Variants in SPTBN1 observed in about 807,000 individuals in gnomAD.
SPTBN1 encodes spectrin beta chain, non-erythrocytic 1.
SPTBN1 carries 32 observed loss-of-function variants against 266.4 expected under a neutral mutation model. That is an observed-to-expected ratio of 0.12 (90% CI 0.09 to 0.16). SPTBN1 has a LOEUF of 0.16. Among genes scored for constraint, SPTBN1 ranks in the 10% least tolerant of loss-of-function variants. The probability of loss-of-function intolerance (pLI) is 1.00; values close to 1 mark genes in which losing one functional copy is unlikely to be tolerated. For synonymous variants in SPTBN1, 1,336 were observed against 1,162.2 expected, an observed-to-expected ratio of 1.15 and a Z score of -3.04; for missense variants, 2,296 against 3,067.1, an observed-to-expected ratio of 0.75 and a Z score of 5.94.
rs903667805 is a variant in SPTBN1 at position 54,597,572 on chromosome 2, G to C, written c.149-1520G>C. The stretch of plus-strand genomic sequence containing the variant: ...AAGGAGCCGCTGACTGTAGCAGGTG[G>C]CCGGGGATCTTGGCAGGTGCCCCAG... On this transcript the variant is annotated intron_variant, in intron 2 of 35. Transcript: ENST00000356805. Among the ~76,000 whole-genome samples the C allele has an allele frequency of 2.6e-5, 4 of 152,236 alleles. No individual in the cohort carries two copies. In the South Asian group the frequency reaches 8.3e-4, roughly 31 times the overall value.
At chr2:54,543,203 C>T (rs193267381) in intron 2 of SPTBN1, among the ~76,000 whole-genome samples, 21 of 152,240 alleles carry the variant, frequency 1.4e-4, no homozygotes, top group Non-Finnish European at 2.5e-4. Context: ...CGATGGTGGG[C>T]AAGTGACTCC....
Position 54,554,332 on chromosome 2 carries a change from T to C in SPTBN1, c.148+27766T>C, listed in dbSNP as rs1672741482. 6.6e-6 allele frequency among the ~76,000 whole-genome samples: 1 copy of C among 152,146 alleles called. No homozygotes were observed. The highest frequency in any genetic ancestry group is 1.5e-5 in the Non-Finnish European group (1 of 68,012). ...CTGGGGCCCTGGGCAAGGCACTGTA[T>C]TTCTGTGAACCTCAGCTACCTTGGT... On this transcript the variant is annotated intron_variant, in intron 2 of 35. Transcript: ENST00000356805. This position sits in a 1 kb window ranked among gnomAD's most constrained non-coding sequence, Gnocchi z 4.5.
rs1345551079 is a variant in SPTBN1 at position 54,461,963 on chromosome 2, C to T, written c.-48+5445C>T. Among the ~76,000 whole-genome samples the T allele has an allele frequency of 2.0e-5, 3 of 152,088 alleles. No homozygotes were observed. In the East Asian group the frequency reaches 5.8e-4, roughly 29 times the overall value. On this transcript the variant is annotated intron_variant, in intron 1 of 35. Transcript: ENST00000356805. ...GTTTGTGAGGGTAATTTTCTTATTTCAGAAAAGTTTTTCTTTGTTTGGAAA... is the reference window on the plus strand; with the variant it reads ...GTTTGTGAGGGTAATTTTCTTATTTTAGAAAAGTTTTTCTTTGTTTGGAAA...
At chr2:54,488,526 AGGT>A (rs1350582043) in intron 1 of SPTBN1, among the ~76,000 whole-genome samples, 3 of 152,184 alleles carry the variant, frequency 2.0e-5, no homozygotes, top group African/African-American at 4.8e-5. Flanking sequence ...TCATTATAAA[AGGT>A]GGTGTGTCAC....
intron 1 of SPTBN1, among the ~76,000 whole-genome samples, chr2:54,511,303 A>G (rs1669846544): frequency 6.6e-6 from 1 of 152,208 alleles, no homozygotes; most frequent in Non-Finnish European, 1.5e-5. Context: ...TAAGCTTTTA[A>G]GCAGTCATGT....
At chr2:54,567,419 AACCCTCT>A (rs1673738606) in intron 2 of SPTBN1, among the ~76,000 whole-genome samples, 1 of 152,094 alleles carries the variant, frequency 6.6e-6, no homozygotes, top group African/African-American at 2.4e-5. Flanking sequence ...GGCTCACTGC[AACCCTCT>A]ACCTCTTGGG....
At chr2:54,564,503 C>T (rs767816762) in intron 2 of SPTBN1, among the ~76,000 whole-genome samples, 1 of 152,168 alleles carries the variant, frequency 6.6e-6, no homozygotes, top group African/African-American at 2.4e-5. Flanking sequence ...AAGAGTGCTC[C>T]GTGCAAACAT....
chr2:54,456,638 C>A (rs889613146), intron 1 of SPTBN1, 120 bp downstream of exon 1: 2 of 151,226 alleles, frequency 1.3e-5, no homozygotes, highest in Non-Finnish European at 3.0e-5. Flanking sequence ...GACGCCGCTG[C>A]CCGCCTGCCC....
intron 3 of SPTBN1, among the ~76,000 whole-genome samples, chr2:54,609,589 T>C (rs1677079316): frequency 6.6e-6 from 1 of 152,168 alleles, no homozygotes; most frequent in Admixed American, 6.5e-5. Context: ...TTTTGTGTAG[T>C]AATGAGCGTT....
At chr2:54,586,835 C>T (rs1675329833) in intron 2 of SPTBN1, among the ~76,000 whole-genome samples, 2 of 152,090 alleles carry the variant, frequency 1.3e-5, no homozygotes, top group South Asian at 4.2e-4. Context: ...ATCTTGTTGG[C>T]GACGTCAGCT....
rs753174302 is a variant in SPTBN1 at position 54,659,197 on chromosome 2, G to A, written c.6287G>A (p.Arg2096Lys). Residue 2096 changes from arginine to lysine, a missense_variant, in exon 31 of 36, where the codon AGG becomes AAG. This residue lies in a region of SPTBN1 where 347 missense variants were observed against 368.5 expected (regional missense o/e 0.94). Coordinates refer to ENST00000356805, the MANE Select transcript of SPTBN1 (RefSeq NM_003128.3). ...CGCAGACAGCAAGAGGAAGAGGAGA[G>A]GAAGAGGCGGCCGCCTTCTCCCGAG... is the stretch of plus-strand genomic sequence containing the variant. The part of the protein sequence containing the change: ...EVRRQQEEEE[R>K]KRRPPSPEPS... 2 of 1,613,996 alleles carry A rather than the reference G, an allele frequency of 1.2e-6. No individual in the cohort carries two copies. The highest frequency in any genetic ancestry group is 1.3e-5 in the African/African-American group (1 of 74,924).
At chr2:54,583,935 A>G (rs955933069) in intron 2 of SPTBN1, among the ~76,000 whole-genome samples, 6 of 152,346 alleles carry the variant, frequency 3.9e-5, no homozygotes, top group African/African-American at 1.4e-4. Flanking sequence ...AAATTTTTCA[A>G]AATTAATATG....
At chr2:54,479,855 A>T (rs992298666) in intron 1 of SPTBN1, among the ~76,000 whole-genome samples, 1 of 141,994 alleles carries the variant, frequency 7.0e-6, no homozygotes, top group African/African-American at 2.5e-5. Context: ...TCTCCCAAGC[A>T]AATTTTGCTT....
chr2:54,514,181 T>G (rs930732151), intron 1 of SPTBN1, among the ~76,000 whole-genome samples: 1 of 152,236 alleles, frequency 6.6e-6, no homozygotes, highest in South Asian at 2.1e-4. Context: ...GCCATGTTTC[T>G]GTCTCATACC....
At chr2:54,609,743 C>T (rs1239867803) in intron 3 of SPTBN1, among the ~76,000 whole-genome samples, 1 of 152,120 alleles carries the variant, frequency 6.6e-6, no homozygotes, top group African/African-American at 2.4e-5. Context: ...CTTTAAAACG[C>T]AGCCTCTTAC....
intron 2 of SPTBN1, among the ~76,000 whole-genome samples, chr2:54,581,244 G>C (rs1674876997): frequency 1.3e-5 from 2 of 152,286 alleles, no homozygotes; most frequent in East Asian, 3.9e-4. Flanking sequence ...GATAATACAA[G>C]TGTAGAATGG....
rs982521315 is a variant in SPTBN1, at chr2:54,669,023, A to G, written c.*454A>G. 3.1e-5 allele frequency: 6 copies of G among 194,032 alleles called. No homozygotes were observed. The Admixed American group carries it at 3.2e-4, about 10-fold the overall frequency. 12.0% of individuals were successfully genotyped at this position (194,032 alleles called of 1,614,324 possible). ...CTCTTGACTCTTAGAAGTGCCCGAGATGGGGCTAACCTTTATTAAACAGAT... is the reference window on the plus strand; with the variant it reads ...CTCTTGACTCTTAGAAGTGCCCGAGGTGGGGCTAACCTTTATTAAACAGAT... On this transcript the variant is annotated 3_prime_UTR_variant, in exon 36 of 36. Transcript: ENST00000356805.
intron 1 of SPTBN1, 139 bp from the exon 2 acceptor site, chr2:54,526,233 A>T (rs1474313627): frequency 3.1e-6 from 2 of 637,718 alleles, no homozygotes; most frequent in Non-Finnish European, 5.1e-6. Flanking sequence ...CAGTGCTAAA[A>T]CCTAAAACCA....
At position 54,630,015 on chromosome 2, in the gene SPTBN1, C is replaced by T. The variant is rs1368365314; in HGVS notation, c.2793C>T (p.Asp931=). 2.5e-6 allele frequency: 4 copies of T among 1,613,902 alleles called. No individual in the cohort carries two copies. The highest frequency in any genetic ancestry group is 3.4e-6 in the Non-Finnish European group (4 of 1,179,926). The change falls in exon 15 of 36, where the codon GAC becomes GAT. Residue 931 remains aspartate (D), a synonymous_variant. Coordinates refer to ENST00000356805, the MANE Select transcript of SPTBN1 (RefSeq NM_003128.3). ...AGAAGGAAATCAAAGCCCAGCAGGA[C>T]AAACTCAACACAAGGTGAGCACGTG... ...PSEKEIKAQQ[D]KLNTRWSQFR...
Sources: allele counts gnomAD v4.1 joint callset (sites outside exome capture counted in the v4.1 genomes callset), GRCh38; gene constraint gnomAD v4.1.1; regional missense constraint gnomAD v4.1.1; non-coding constraint Gnocchi (gnomAD v3.1); transcripts MANE v1.5; gene names NCBI Gene and HGNC (gene_info 2026-07-23, HGNC 2026-07-21).